ZNF385D: variants seen among roughly 807,000 people sequenced by gnomAD.
ZNF385D encodes zinc finger protein 659.
ZNF385D carries 15 observed loss-of-function variants against 35.8 expected under a neutral mutation model. The ratio of observed to expected loss-of-function variants is 0.42; its 90% confidence interval spans 0.28 to 0.64. The LOEUF is 0.64. Among genes scored for constraint, ZNF385D ranks in the 30% least tolerant of loss-of-function variants. The probability of loss-of-function intolerance (pLI) is 0.23; values close to 1 mark genes in which losing one functional copy is unlikely to be tolerated. For synonymous variants in ZNF385D, 212 were observed against 186.8 expected (o/e 1.13, Z -1.10); for missense variants, 474 against 494.6 (o/e 0.96, Z 0.39).
intron 3 of ZNF385D, among the ~76,000 whole-genome samples, chr3:21,947,835 G>T (rs140225893): frequency 3.1e-4 from 47 of 152,120 alleles, no homozygotes; most frequent in African/African-American, 7.7e-4. Context: ...CCAAGTCAGG[G>T]TTATGTATTT....
chr3:21,931,646 C>T (rs963041624), intron 3 of ZNF385D, among the ~76,000 whole-genome samples: 2 of 152,036 alleles, frequency 1.3e-5, no homozygotes, highest in Non-Finnish European at 2.9e-5. Context: ...TTGAGAGATG[C>T]TAGATGCAGA....
At chr3:21,908,174 A>G (rs62236549) in intron 3 of ZNF385D, among the ~76,000 whole-genome samples, 2 of 126,884 alleles carry the variant, frequency 1.6e-5, no homozygotes, top group Non-Finnish European at 3.5e-5. Flanking sequence ...ATCTATCTAT[A>G]TATGTATAAA....
At chr3:21,588,805 C>T (rs9879945) in intron 2 of ZNF385D, among the ~76,000 whole-genome samples, 78,075 of 151,828 alleles carry the variant, frequency 0.51, 20,595 homozygotes, top group East Asian at 0.59. Flanking sequence ...CCTTATTTTA[C>T]AGCTATGGAT....
chr3:22,337,803 G>C (rs972942458), intron 2 of ZNF385D, among the ~76,000 whole-genome samples: 3 of 152,202 alleles, frequency 2.0e-5, no homozygotes, highest in Non-Finnish European at 4.4e-5. Context: ...AACCATGTTA[G>C]TTATACCTGT....
At chr3:22,100,515 T>C (rs559351280) in intron 3 of ZNF385D, among the ~76,000 whole-genome samples, 1 of 152,162 alleles carries the variant, frequency 6.6e-6, no homozygotes, top group Admixed American at 6.6e-5. Flanking sequence ...TAAAAAAGGA[T>C]GAGTTCATGA....
chr3:21,681,911 A>C (rs1362567892), intron 1 of ZNF385D, among the ~76,000 whole-genome samples: 1 of 152,062 alleles, frequency 6.6e-6, no homozygotes. Context: ...TGTAAAATGA[A>C]AGTTGGATAC....
At chr3:21,713,972 T>C (rs77586479) in intron 1 of ZNF385D, among the ~76,000 whole-genome samples, 26,232 of 152,074 alleles carry the variant, frequency 0.17, 2,486 homozygotes, top group South Asian at 0.26. Flanking sequence ...TCCTGATCTT[T>C]TCTCTACCCA....
intron 1 of ZNF385D, among the ~76,000 whole-genome samples, chr3:21,696,500 C>T (rs771582547): frequency 2.1e-4 from 32 of 152,166 alleles, no homozygotes; most frequent in Admixed American, 3.9e-4. Context: ...GAAGCTGGCC[C>T]ATATGAGTGA....
intron 3 of ZNF385D, among the ~76,000 whole-genome samples, chr3:22,068,592 A>T (rs1004905642): frequency 6.6e-6 from 1 of 152,208 alleles, no homozygotes; most frequent in Non-Finnish European, 1.5e-5. Context: ...CAGGTTCAAC[A>T]TGATCCATCC....
At chr3:21,767,716 G>GAGAGAA (rs1379764775) in intron 3 of ZNF385D, among the ~76,000 whole-genome samples, 1 of 152,060 alleles carries the variant, frequency 6.6e-6, no homozygotes, top group East Asian at 1.9e-4. Flanking sequence ...AGAGGATTGA[G>GAGAGAA]AGAGAAAGAA....
chr3:22,110,283 A>C (rs1255302125), intron 3 of ZNF385D, among the ~76,000 whole-genome samples: 1 of 151,964 alleles, frequency 6.6e-6, no homozygotes, highest in African/African-American at 2.4e-5. Context: ...CCATCCCATT[A>C]CTGGGTATAT....
chr3:22,068,413 A>G (rs1311544165), intron 3 of ZNF385D, among the ~76,000 whole-genome samples: 5 of 152,234 alleles, frequency 3.3e-5, no homozygotes, highest in Admixed American at 3.3e-4. Flanking sequence ...ATCCAAGTGT[A>G]GTAAACAGAC....
chr3:21,804,066 G>A lies in ZNF385D; in HGVS notation c.326-139038C>T, dbSNP rs550450553. 2.7e-3 allele frequency among the ~76,000 whole-genome samples: 404 copies of A among 152,184 alleles called. 2 individuals carry two copies. The highest frequency in any genetic ancestry group is 3.7e-3 in the Non-Finnish European group (251 of 68,016). On this transcript the variant is annotated intron_variant, in intron 3 of 5. Coordinates refer to the ZNF385D transcript ENST00000494108. The stretch of plus-strand genomic sequence containing the variant: ...AACCAAAGTTAAAGGATTTTATAGA[G>A]GTGTAAATTATTTCAGTTGAGAAAT...
chr3:22,298,462 A>G (rs1252233891), intron 2 of ZNF385D, among the ~76,000 whole-genome samples: 7 of 124,698 alleles, frequency 5.6e-5, no homozygotes, highest in Non-Finnish European at 1.1e-4. Context: ...TATATATAAT[A>G]TATAAATATA....
intron 3 of ZNF385D, among the ~76,000 whole-genome samples, chr3:21,877,475 G>A (rs922358395): frequency 6.6e-6 from 1 of 151,978 alleles, no homozygotes; most frequent in Non-Finnish European, 1.5e-5. Context: ...CACACACTTT[G>A]GTAGTTATTT....
chr3:21,663,320 T>C (rs1290063245), intron 2 of ZNF385D, among the ~76,000 whole-genome samples: 1 of 152,182 alleles, frequency 6.6e-6, no homozygotes, highest in Non-Finnish European at 1.5e-5. Flanking sequence ...GTTATTAATA[T>C]TTCCCAAGAG....
intron 1 of ZNF385D, among the ~76,000 whole-genome samples, chr3:21,666,845 A>G (rs2066422792): frequency 6.6e-6 from 1 of 152,190 alleles, no homozygotes; most frequent in African/African-American, 2.4e-5. Context: ...TGGAAGGTCA[A>G]GGCGGATGGA....
chr3:21,513,491 A>C (rs1243872539), intron 3 of ZNF385D, among the ~76,000 whole-genome samples: 3 of 152,220 alleles, frequency 2.0e-5, no homozygotes, highest in Non-Finnish European at 4.4e-5. Context: ...TTTAATTATA[A>C]ATTATCTGAT....
At chr3:22,336,489 G>A (rs903371997) in intron 2 of ZNF385D, among the ~76,000 whole-genome samples, 1 of 151,892 alleles carries the variant, frequency 6.6e-6, no homozygotes, top group African/African-American at 2.4e-5. Flanking sequence ...TATTCTATGT[G>A]ACTTTTGCTA....
Sources: gnomAD v4.1 joint callset for allele counts (sites outside exome capture counted in the v4.1 genomes callset) on GRCh38, gnomAD v4.1.1 for gene constraint, MANE v1.5 for transcripts, NCBI Gene and HGNC (gene_info 2026-07-23, HGNC 2026-07-21) for gene names.